Variants in COLGALT2 observed in about 807,000 individuals in gnomAD.
COLGALT2 encodes procollagen galactosyltransferase 2.
Under a neutral mutation model 73.4 loss-of-function variants are expected in COLGALT2, and 49 were observed. That is an observed-to-expected ratio of 0.67 (90% confidence interval 0.53 to 0.85). The LOEUF (loss-of-function observed/expected upper bound fraction) is 0.85, where lower values mean the gene tolerates loss of function less well. Ranked by LOEUF, COLGALT2 falls within the 40% of genes least tolerant of loss-of-function variation. The pLI is 0.00. For missense variants in COLGALT2, 722 were observed against 790.2 expected (o/e 0.91, Z 1.03); for synonymous variants, 295 against 307.6 (o/e 0.96, Z 0.43).
intron 1 of COLGALT2, among the ~76,000 whole-genome samples, chr1:183,996,872 C>T (rs887414957): frequency 2.6e-5 from 4 of 152,220 alleles, no homozygotes; most frequent in Non-Finnish European, 4.4e-5. Flanking sequence ...AGGGCACTGC[C>T]ACTCAGGCAA....
chr1:183,956,907 T>C (rs748220993), intron 6 of COLGALT2, among the ~76,000 whole-genome samples: 8 of 152,160 alleles, frequency 5.3e-5, no homozygotes, highest in Non-Finnish European at 1.2e-4. Context: ...GAGAAGGATG[T>C]ATCTTTGCTG....
intron 1 of COLGALT2, among the ~76,000 whole-genome samples, chr1:184,036,587 A>T (rs1024545776): frequency 2.6e-5 from 4 of 152,178 alleles, no homozygotes; most frequent in Admixed American, 2.0e-4. Context: ...GGAGCCCGGC[A>T]CCGGAAAGTC....
At chr1:183,993,551 C>A (rs1671687852) in intron 1 of COLGALT2, among the ~76,000 whole-genome samples, 1 of 152,012 alleles carries the variant, frequency 6.6e-6, no homozygotes, top group Admixed American at 6.5e-5. Context: ...CCTTTCAGAC[C>A]CAAAAAAGGA....
intron 11 of COLGALT2, among the ~76,000 whole-genome samples, chr1:183,939,532 T>A (rs931291481): frequency 6.6e-6 from 1 of 152,220 alleles, no homozygotes; most frequent in Non-Finnish European, 1.5e-5. Flanking sequence ...GGCCTCCCTC[T>A]CAGGGCTCCT....
Position 183,936,952 on chromosome 1 carries a change from G to C in COLGALT2, c.*1809C>G, listed in dbSNP as rs893557363. On this transcript the variant is annotated 3_prime_UTR_variant, in exon 12 of 12. Coordinates refer to ENST00000361927, the MANE Select transcript of COLGALT2 (RefSeq NM_015101.4). ...AGTGGGGACCCGCCCCTCACCTGGG[G>C]AGATGAGGCTGCCTTGACTACCTAT... is the stretch of plus-strand genomic sequence containing the variant. 5 of 1,231,640 alleles carry C rather than the reference G, an allele frequency of 4.1e-6. No individual in the cohort carries two copies. The African/African-American group carries it at 7.8e-5, about 19-fold the overall frequency. The allele number at this position is 1,231,640 out of a possible 1,614,324, so 76.3% of individuals were successfully genotyped here.
chr1:183,946,504 T>A (rs1181149006), intron 8 of COLGALT2: 1 of 152,092 alleles, frequency 6.6e-6, no homozygotes. Flanking sequence ...AACACTGCAA[T>A]GAAGGAAGAA....
intron 6 of COLGALT2, among the ~76,000 whole-genome samples, chr1:183,955,670 A>T (rs1670533291): frequency 6.7e-6 from 1 of 148,242 alleles, no homozygotes; most frequent in South Asian, 2.1e-4. Flanking sequence ...AATGTTTAGT[A>T]TTATAAAAAT....
At position 183,951,044 on chromosome 1, in the gene COLGALT2, C is replaced by T. The variant is rs1414649882; in HGVS notation, c.1099G>A (p.Glu367Lys). The change falls in exon 8 of 12, where the codon GAG becomes AAG. Residue 367 changes from glutamate to lysine, a missense_variant. Transcript: ENST00000361927. ...DRMLRTLYEQ[E>K]IEVKIVEAVD... ...GCCTCGACAATCTTGACCTCAATCT[C>T]CTGTTCATACAGTGTGCGCAGCATC... 1.2e-6 allele frequency: 2 copies of T among 1,613,886 alleles called. No homozygotes were observed. Among genetic ancestry groups the T allele is most frequent in the East Asian group, 4.5e-5 (2 of 44,882 alleles).
At chr1:184,024,360 CT>C (rs58405733) in intron 1 of COLGALT2, among the ~76,000 whole-genome samples, 6,477 of 143,616 alleles carry the variant, frequency 0.045, 404 homozygotes, top group African/African-American at 0.15. Flanking sequence ...TTTTCTTTTT[CT>C]TTTTTTTTTT....
Position 184,037,411 on chromosome 1 carries a change from C to G in COLGALT2, c.-54G>C. The stretch of plus-strand genomic sequence containing the variant: ...GTCCTGGCGCGAGCGCCCGGCTGGG[C>G]TGCCTGAGGGCGGCGGCGGCTGCCG... On this transcript the variant is annotated 5_prime_UTR_variant, in exon 1 of 12. Transcript: ENST00000361927. The G allele has an allele frequency of 7.7e-7, 1 of 1,303,086 alleles. No homozygotes were observed. Among genetic ancestry groups the G allele is most frequent in the Non-Finnish European group, 9.7e-7 (1 of 1,029,910 alleles). 80.7% of individuals were successfully genotyped at this position (1,303,086 alleles called of 1,614,324 possible). A position where few individuals can be genotyped will look rare whatever the true frequency, so the allele number is the denominator to read the frequency against.
intron 8 of COLGALT2, 134 bp downstream of exon 8, chr1:183,950,873 G>A: frequency 4.7e-6 from 3 of 640,824 alleles, no homozygotes; most frequent in East Asian, 5.1e-5. Flanking sequence ...GCTACTACAG[G>A]TGGCCGTTTT....
At chr1:183,942,639 A>G (rs1471742358) in intron 10 of COLGALT2, among the ~76,000 whole-genome samples, 3 of 152,106 alleles carry the variant, frequency 2.0e-5, no homozygotes, top group Non-Finnish European at 2.9e-5. Context: ...ATTACCTTTC[A>G]TGTTTTAGGT....
At position 183,937,282 on chromosome 1, in the gene COLGALT2, G is replaced by C; in HGVS notation, c.*1479C>G. ...CGGTGCTGGTATGGGATGCCTGGGA[G>C]GGTTTTTCTGGAGACAAAAATTTAC... is the stretch of plus-strand genomic sequence containing the variant. On this transcript the variant is annotated 3_prime_UTR_variant, in exon 12 of 12. Coordinates refer to ENST00000361927, the MANE Select transcript of COLGALT2 (RefSeq NM_015101.4). 8.8e-7 allele frequency: 1 copy of C among 1,135,296 alleles called. No individual in the cohort carries two copies. The highest frequency in any genetic ancestry group is 4.5e-5 in the East Asian group (1 of 22,384). 70.3% of individuals were successfully genotyped at this position (1,135,296 alleles called of 1,614,324 possible).
intron 9 of COLGALT2, among the ~76,000 whole-genome samples, chr1:183,944,539 C>T (rs1670199108): frequency 6.6e-6 from 1 of 152,196 alleles, no homozygotes; most frequent in South Asian, 2.1e-4. Context: ...ATAGGTGAAT[C>T]TCCTAAATGT....
Position 183,973,562 on chromosome 1 carries a change from G to A in COLGALT2, c.627+54C>T, listed in dbSNP as rs1025525135. On this transcript the variant is annotated intron_variant, in intron 4 of 11. Transcript: ENST00000361927. The stretch of plus-strand genomic sequence containing the variant: ...AAGGTGAATGGGACTACTGTTGACC[G>A]GGTGTTGCCTTGTTAAAACTAGTAG... The A allele has an allele frequency of 3.1e-5, 49 of 1,604,900 alleles. No individual in the cohort carries two copies. In the Admixed American group the frequency reaches 3.5e-4, roughly 12 times the overall value.
At chr1:183,969,222 T>C in intron 5 of COLGALT2, 47 bp downstream of exon 5, 1 of 1,483,594 alleles carries the variant, frequency 6.7e-7, no homozygotes, top group Non-Finnish European at 9.2e-7. Flanking sequence ...GAGCTGGTCA[T>C]TTTGCTGTGT....
chr1:183,951,135 A>G, intron 7 of COLGALT2, 22 bp from the exon 8 acceptor site: 1 of 1,538,786 alleles, frequency 6.5e-7, no homozygotes, highest in Non-Finnish European at 9.0e-7. Flanking sequence ...AGGAAAAGGG[A>G]AAAGACACAT....
intron 6 of COLGALT2, among the ~76,000 whole-genome samples, chr1:183,963,455 G>T (rs1206544956): frequency 6.6e-6 from 1 of 152,120 alleles, no homozygotes; most frequent in African/African-American, 2.4e-5. Context: ...CTATTATTAA[G>T]TTAAAGTCAT....
chr1:183,937,033 A>C lies in COLGALT2; in HGVS notation c.*1728T>G. On this transcript the variant is annotated 3_prime_UTR_variant, in exon 12 of 12. Transcript: ENST00000361927. ...CTCTAGACTCTGAGCCATGCTGTTC[A>C]ACCTTAATGTGGCAATCAGTATCAC... The C allele has an allele frequency of 8.1e-7, 1 of 1,231,770 alleles. No individual in the cohort carries two copies. The highest frequency in any genetic ancestry group is 3.2e-5 in the East Asian group (1 of 31,708). The allele number at this position is 1,231,770 out of a possible 1,614,324, so 76.3% of individuals were successfully genotyped here.
Sources: allele counts gnomAD v4.1 joint callset (sites outside exome capture counted in the v4.1 genomes callset), GRCh38; gene constraint gnomAD v4.1.1; transcripts MANE v1.5; gene names NCBI Gene and HGNC (gene_info 2026-07-23, HGNC 2026-07-21).